Variants in TMPRSS3 observed in about 807,000 individuals in gnomAD.
The protein encoded by TMPRSS3 is transmembrane protease serine 3.
Under a neutral mutation model 59.6 loss-of-function variants are expected in TMPRSS3, and 55 were observed. That is an observed-to-expected ratio of 0.92 (90% CI 0.74 to 1.16). The LOEUF (loss-of-function observed/expected upper bound fraction) is 1.16. Ranked by LOEUF, TMPRSS3 falls within the 50% of genes most tolerant of loss-of-function variation. The pLI is 0.00. For synonymous variants in TMPRSS3, 257 were observed against 237.7 expected, an observed-to-expected ratio of 1.08 and a Z score of -0.75; for missense variants, 596 against 579.4, an observed-to-expected ratio of 1.03 and a Z score of -0.29.
In TMPRSS3 at chr21:42,395,335, G is replaced by A. The variant is rs137882698; in HGVS notation, c.83C>T (p.Pro28Leu). 8.7e-6 allele frequency: 14 copies of A among 1,613,740 alleles called. No homozygotes were observed. The highest frequency in any genetic ancestry group is 1.1e-5 in the Non-Finnish European group (13 of 1,179,958). ...CTGGGTCCACTTACCTGGTGCAACA[G>A]GACTTATTTTCAAATCATCAAGGCC... ...LFGLDDLKISPVAPDADAVAA... is the reference protein window; with the variant it reads ...LFGLDDLKISLVAPDADAVAA... Residue 28 changes from proline (P) to leucine (L), a missense_variant, in exon 2 of 13, where the codon CCT becomes CTT. By Grantham distance (98) the Pro-to-Leu change is moderately conservative. Transcript: ENST00000644384.
rs763580208 is a variant in TMPRSS3, at chr21:42,384,057, C to A, written c.573-44G>T. The stretch of plus-strand genomic sequence containing the variant: ...AGGCTCTGTGAAAAATGCCCCAGAT[C>A]TGTGAAAGGAACACTCTTAAAAACT... On this transcript the variant is annotated intron_variant, in intron 6 of 12. Transcript: ENST00000644384. 4.4e-6 allele frequency: 7 copies of A among 1,600,210 alleles called. No individual in the cohort carries two copies. In the East Asian group the frequency reaches 1.3e-4, roughly 31 times the overall value.
intron 12 of TMPRSS3, among the ~76,000 whole-genome samples, chr21:42,373,400 G>T (rs1470946238): frequency 6.6e-6 from 1 of 152,232 alleles, no homozygotes; most frequent in Non-Finnish European, 1.5e-5. Flanking sequence ...GCGTTGTGCA[G>T]GGAGCAGGGG....
chr21:42,372,363 C>G lies in TMPRSS3; in HGVS notation c.*399G>C, dbSNP rs1237678717. 2.2e-6 allele frequency: 1 copy of G among 459,218 alleles called. No individual in the cohort carries two copies. 28.4% of individuals were successfully genotyped at this position (459,218 alleles called of 1,614,324 possible). Reference sequence around the variant, plus strand: ...TCATTTGAGGTCAGGGGTTTGAGAGCAGCCTGGCCAACATGGTGAAACCCT... The same window carrying G: ...TCATTTGAGGTCAGGGGTTTGAGAGGAGCCTGGCCAACATGGTGAAACCCT... On this transcript the variant is annotated 3_prime_UTR_variant, in exon 13 of 13. Coordinates refer to ENST00000644384, the MANE Select transcript of TMPRSS3 (RefSeq NM_001256317.3).
intron 3 of TMPRSS3, among the ~76,000 whole-genome samples, chr21:42,389,627 G>A (rs563131163): frequency 1.9e-4 from 29 of 152,320 alleles, no homozygotes; most frequent in East Asian, 7.7e-4. Flanking sequence ...CCGCTGCCCC[G>A]GTCAGTGCCT....
chr21:42,372,134 T>A lies in TMPRSS3; in HGVS notation c.*628A>T. ...TCTTTTCTGAGTGGCTGTTGGTGGC[T>A]TTGCACGTGAGGTCACATAACTGCT... On this transcript the variant is annotated 3_prime_UTR_variant, in exon 13 of 13. Coordinates refer to ENST00000644384, the MANE Select transcript of TMPRSS3 (RefSeq NM_001256317.3). The A allele has an allele frequency of 2.2e-6, 1 of 454,202 alleles. No homozygotes were observed. Among genetic ancestry groups the A allele is most frequent in the Non-Finnish European group, 4.4e-6 (1 of 226,716 alleles). 28.1% of individuals were successfully genotyped at this position (454,202 alleles called of 1,614,324 possible).
intron 2 of TMPRSS3, among the ~76,000 whole-genome samples, chr21:42,392,930 C>T (rs1404318818): frequency 1.3e-5 from 2 of 152,270 alleles, no homozygotes; most frequent in Non-Finnish European, 2.9e-5. Context: ...GGCCCCACGC[C>T]TCCTCTGTGC....
At chr21:42,380,087 G>A (rs2052498501) in intron 10 of TMPRSS3, 30 bp downstream of exon 10, 1 of 1,585,298 alleles carries the variant, frequency 6.3e-7, no homozygotes, top group Admixed American at 1.7e-5. Context: ...TGAGCCCCTG[G>A]ACTCCGAATC....
At chr21:42,381,976 C>T (rs2052537436) in intron 9 of TMPRSS3, 89 bp downstream of exon 9, 2 of 1,483,082 alleles carry the variant, frequency 1.3e-6, no homozygotes, top group African/African-American at 1.4e-5. Context: ...GATTATAAAG[C>T]AGCCATCATA....
At position 42,389,034 on chromosome 21, in the gene TMPRSS3, A is replaced by T; in HGVS notation, c.217T>A (p.Cys73Ser). ...LAIGLGIHFDCSGKYRCRSSF... is the reference protein window; with the variant it reads ...LAIGLGIHFDSSGKYRCRSSF... ...GAGCGACATCTGTACTTCCCTGAGC[A>T]GTCGAAGTGGACTGGGAAAAGGGAG... Residue 73 changes from cysteine to serine, a missense_variant, in exon 4 of 13, where the codon TGC becomes AGC. By Grantham distance (112) the Cys-to-Ser change is moderately radical. Coordinates refer to ENST00000644384, the MANE Select transcript of TMPRSS3 (RefSeq NM_001256317.3). The T allele has an allele frequency of 6.2e-7, 1 of 1,614,166 alleles. No individual in the cohort carries two copies. Among genetic ancestry groups the T allele is most frequent in the Non-Finnish European group, 8.5e-7 (1 of 1,180,014 alleles).
chr21:42,388,419 G>T lies in TMPRSS3; in HGVS notation c.430C>A (p.Gln144Lys). 1 of 1,614,224 alleles carries T rather than the reference G, an allele frequency of 6.2e-7. No individual in the cohort carries two copies. Among genetic ancestry groups the T allele is most frequent in the East Asian group, 2.2e-5 (1 of 44,888 alleles). Reference protein sequence around the residue: ...KGHYANVACAQLGFPSYVSSD... With the variant: ...KGHYANVACAKLGFPSYVSSD... ...TTAACTTACCTTGGGAAACCCAGTT[G>T]GGCACAGGCAACATTTGCGTAGTGA... Residue 144 changes from glutamine to lysine, a missense_variant, in exon 5 of 13, where the codon CAA becomes AAA. Coordinates refer to ENST00000644384, the MANE Select transcript of TMPRSS3 (RefSeq NM_001256317.3). This position sits in a 1 kb window ranked among gnomAD's most constrained non-coding sequence, Gnocchi z 5.1.
chr21:42,383,388 G>A, intron 7 of TMPRSS3, 190 bp from the exon 8 acceptor site: 1 of 646,612 alleles, frequency 1.5e-6, no homozygotes, highest in Admixed American at 2.5e-5. Context: ...GGGGAGACCT[G>A]AGGATGGTGG....
intron 12 of TMPRSS3, among the ~76,000 whole-genome samples, chr21:42,375,031 C>G (rs901864022): frequency 1.3e-5 from 2 of 152,014 alleles, no homozygotes; most frequent in African/African-American, 4.8e-5. Context: ...AATGTTTCCC[C>G]GGCGCCCACA....
At chr21:42,375,031 C>T (rs901864022) in intron 12 of TMPRSS3, among the ~76,000 whole-genome samples, 4 of 152,130 alleles carry the variant, frequency 2.6e-5, no homozygotes, top group South Asian at 4.2e-4. Context: ...AATGTTTCCC[C>T]GGCGCCCACA....
At chr21:42,379,613 C>T (rs551039062) in intron 10 of TMPRSS3, among the ~76,000 whole-genome samples, 1 of 152,144 alleles carries the variant, frequency 6.6e-6, no homozygotes, top group Non-Finnish European at 1.5e-5. Flanking sequence ...AAGGGTGGCC[C>T]GGGCTTCATT....
chr21:42,389,250 T>G, intron 3 of TMPRSS3: 1 of 1,002,338 alleles, frequency 1.0e-6, no homozygotes, highest in Non-Finnish European at 1.5e-6. Flanking sequence ...CCACTTTATC[T>G]CGCTATGTGG....
chr21:42,382,653 C>T (rs570279391), intron 8 of TMPRSS3: 98 of 400,876 alleles, frequency 2.4e-4, no homozygotes, highest in South Asian at 2.3e-3. Context: ...CAGTACCTGG[C>T]CCCCAACATA....
In TMPRSS3 at chr21:42,380,160, T is replaced by C; in HGVS notation, c.1005A>G (p.Gly335=). 6.2e-7 allele frequency: 1 copy of C among 1,614,136 alleles called. No homozygotes were observed. Among genetic ancestry groups the C allele is most frequent in the Non-Finnish European group, 8.5e-7 (1 of 1,180,014 alleles). The change falls in exon 10 of 13, where the codon GGA becomes GGG. Residue 335 remains glycine (G), a synonymous_variant. Transcript: ENST00000644384. ...LPNSEENFPD[G]KVCWTSGWGA... ...CCCATCCTGACGTCCAGCACACTTT[T>C]CCATCGGGGAAGTTCTCTTCAGAGT...
intron 5 of TMPRSS3, among the ~76,000 whole-genome samples, chr21:42,387,802 G>A (rs1266006208): frequency 2.0e-5 from 3 of 152,192 alleles, no homozygotes; most frequent in South Asian, 2.1e-4. Context: ...AAGGGGCCAG[G>A]GGAGAGAAGG....
chr21:42,376,746 G>A (rs1185726226), intron 10 of TMPRSS3, 63 bp from the exon 11 acceptor site: 25 of 1,610,862 alleles, frequency 1.6e-5, no homozygotes, highest in Admixed American at 1.3e-4. Context: ...CACAGAAGGC[G>A]CATGCTGAGA....
Sources: gnomAD v4.1 joint callset for allele counts (sites outside exome capture counted in the v4.1 genomes callset) on GRCh38, gnomAD v4.1.1 for gene constraint, Gnocchi (gnomAD v3.1) non-coding constraint, MANE v1.5 for transcripts, NCBI Gene and HGNC (gene_info 2026-07-23, HGNC 2026-07-21) for gene names.